DPF3: variants seen among roughly 807,000 people sequenced by gnomAD.
DPF3 encodes zinc finger protein DPF3.
DPF3 carries 18 observed loss-of-function variants against 56.8 expected under a neutral mutation model. The ratio of observed to expected loss-of-function variants is 0.32; its 90% CI spans 0.22 to 0.47. The LOEUF is 0.47. Among genes scored for constraint, DPF3 ranks in the 20% least tolerant of loss-of-function variants. The pLI, the probability that DPF3 is intolerant of heterozygous loss-of-function variation, is 1.00. For missense variants in DPF3, 403 were observed against 488.8 expected, an observed-to-expected ratio of 0.82 and a Z score of 1.65; for synonymous variants, 188 against 180.2, an observed-to-expected ratio of 1.04 and a Z score of -0.35.
intron 8 of DPF3, among the ~76,000 whole-genome samples, chr14:72,645,049 T>A (rs973569391): frequency 9.2e-5 from 14 of 152,218 alleles, no homozygotes; most frequent in African/African-American, 3.4e-4. Context: ...AGAAACCAAC[T>A]TGCCATCCCT....
intron 1 of DPF3, among the ~76,000 whole-genome samples, chr14:72,866,581 G>GA (rs1442481001): frequency 6.6e-6 from 1 of 150,730 alleles, no homozygotes; most frequent in African/African-American, 2.4e-5. Context: ...ATATGGCTGG[G>GA]TGTGGTGGCT....
intron 1 of DPF3, among the ~76,000 whole-genome samples, chr14:72,810,392 G>A (rs535743409): frequency 6.6e-6 from 1 of 152,192 alleles, no homozygotes; most frequent in African/African-American, 2.4e-5. Flanking sequence ...GGCGGAGAAT[G>A]TGAATCACAT....
At chr14:72,690,331 C>A (rs1887618989) in intron 7 of DPF3, among the ~76,000 whole-genome samples, 1 of 152,170 alleles carries the variant, frequency 6.6e-6, no homozygotes, top group South Asian at 2.1e-4. Flanking sequence ...AGTCAACCAA[C>A]CCTGAGGGGA....
intron 8 of DPF3, among the ~76,000 whole-genome samples, chr14:72,642,721 G>A (rs1450248853): frequency 6.6e-6 from 1 of 151,998 alleles, no homozygotes; most frequent in Non-Finnish European, 1.5e-5. Context: ...CTCTCACCCT[G>A]CTCTGCCTTC....
In DPF3 at chr14:72,612,488, C is replaced by T. The variant is rs761207319; in HGVS notation, c.*6809G>A. The T allele has an allele frequency of 1.7e-5, 9 of 518,210 alleles. No homozygotes were observed. The highest frequency in any genetic ancestry group is 3.9e-5 in the African/African-American group (2 of 51,672). 32.1% of individuals were successfully genotyped at this position (518,210 alleles called of 1,614,324 possible). ...TTCAACTACATGTTGAAAATGTGCACGGGGTATATTTTCTTTTTCCTATAC... is the reference window on the plus strand; with the variant it reads ...TTCAACTACATGTTGAAAATGTGCATGGGGTATATTTTCTTTTTCCTATAC... On this transcript the variant is annotated 3_prime_UTR_variant, in exon 11 of 11. Transcript: ENST00000556509.
chr14:72,830,873 A>G (rs574626535), intron 1 of DPF3, among the ~76,000 whole-genome samples: 1 of 152,066 alleles, frequency 6.6e-6, no homozygotes, highest in Non-Finnish European at 1.5e-5. Context: ...TTTCTCCTTT[A>G]CTAACCCTTT....
At chr14:72,873,724 C>G (rs1018154932) in intron 1 of DPF3, among the ~76,000 whole-genome samples, 29 of 152,074 alleles carry the variant, frequency 1.9e-4, no homozygotes, top group African/African-American at 6.5e-4. Context: ...ACATATACAC[C>G]ATGGAATACT....
chr14:72,820,768 G>C (rs1488128672), intron 1 of DPF3, among the ~76,000 whole-genome samples: 1 of 152,172 alleles, frequency 6.6e-6, no homozygotes, highest in African/African-American at 2.4e-5. Context: ...GTCAAGCTGG[G>C]AGGATCACTT....
At chr14:72,680,525 A>G (rs1331177404) in intron 7 of DPF3, among the ~76,000 whole-genome samples, 1 of 152,242 alleles carries the variant, frequency 6.6e-6, no homozygotes, top group East Asian at 1.9e-4. Context: ...CGCTCTCCCC[A>G]CAGGCCATCT....
At chr14:72,687,540 CT>C (rs1887465850) in intron 7 of DPF3, among the ~76,000 whole-genome samples, 1 of 152,182 alleles carries the variant, frequency 6.6e-6, no homozygotes, top group Admixed American at 6.5e-5. Context: ...ACTGTGGCCC[CT>C]GATTACATTT....
chr14:72,798,419 AACATACAT>A (rs930039503), intron 1 of DPF3, among the ~76,000 whole-genome samples: 2 of 152,020 alleles, frequency 1.3e-5, no homozygotes, highest in South Asian at 2.1e-4. Flanking sequence ...CCATATTTTC[AACATACAT>A]ACATACATAC....
At chr14:72,689,675 C>T (rs1200788794) in intron 7 of DPF3, among the ~76,000 whole-genome samples, 3 of 152,220 alleles carry the variant, frequency 2.0e-5, no homozygotes, top group East Asian at 3.9e-4. Context: ...AGAAAATAGT[C>T]GGGGGGCTGC....
intron 1 of DPF3, among the ~76,000 whole-genome samples, chr14:72,829,611 C>T (rs1487076759): frequency 1.3e-5 from 2 of 152,154 alleles, no homozygotes; most frequent in Non-Finnish European, 2.9e-5. Flanking sequence ...GTCTCAAACT[C>T]CTGACCTTGT....
intron 4 of DPF3, among the ~76,000 whole-genome samples, chr14:72,729,251 A>T (rs1443492162): frequency 1.3e-5 from 2 of 152,214 alleles, no homozygotes; most frequent in African/African-American, 4.8e-5. Flanking sequence ...CTGTCTCAAA[A>T]ATAAATAAAT....
rs138162317 is a variant in DPF3, at chr14:72,805,051, G to GACACACACACACACAC, written c.33-33174_33-33159dup. 5.2e-3 allele frequency among the ~76,000 whole-genome samples: 761 copies of GACACACACACACACAC among 146,462 alleles called. 8 individuals are homozygous for GACACACACACACACAC. Among genetic ancestry groups the GACACACACACACACAC allele is most frequent in the African/African-American group, 0.016 (647 of 39,384 alleles). ...AAAACGAGGGAGTCCCACAGCCCTG[G>GACACACACACACACAC]ACACACACACACACACAAACACACA... On this transcript the variant is annotated intron_variant, in intron 1 of 10. Transcript: ENST00000556509.
At position 72,664,761 on chromosome 14, in the gene DPF3, A is replaced by T. The variant is rs1886377425; in HGVS notation, c.871+9479T>A. Reference sequence around the variant, plus strand: ...GTAAGACTTCCACTAATTATCTCAGAAACTGCTCAGTTCTCAGTTTATTTC... The same window carrying T: ...GTAAGACTTCCACTAATTATCTCAGTAACTGCTCAGTTCTCAGTTTATTTC... On this transcript the variant is annotated intron_variant, in intron 8 of 10. Transcript: ENST00000556509. Among the ~76,000 whole-genome samples, 3 of 152,226 alleles carry T rather than the reference A, an allele frequency of 2.0e-5. No homozygotes were observed. In the South Asian group the frequency reaches 6.2e-4, roughly 32 times the overall value.
At chr14:72,723,001 ACTT>A (rs1405850895) in intron 5 of DPF3, among the ~76,000 whole-genome samples, 1 of 149,596 alleles carries the variant, frequency 6.7e-6, no homozygotes, top group Non-Finnish European at 1.5e-5. Context: ...ACCCCGGCAA[ACTT>A]CTTTTTTTTT....
intron 7 of DPF3, among the ~76,000 whole-genome samples, chr14:72,690,286 C>T (rs116236995): frequency 0.031 from 4,634 of 151,908 alleles, 226 homozygotes; most frequent in African/African-American, 0.11. Flanking sequence ...CACGAGGGCT[C>T]GTGAGAAGAT....
At chr14:72,663,060 G>C (rs1886287145) in intron 8 of DPF3, among the ~76,000 whole-genome samples, 1 of 150,332 alleles carries the variant, frequency 6.7e-6, no homozygotes, top group South Asian at 2.1e-4. Flanking sequence ...AGCAGCATGA[G>C]ATCAGCCAGG....
Sources: allele counts gnomAD v4.1 joint callset (sites outside exome capture counted in the v4.1 genomes callset), GRCh38; gene constraint gnomAD v4.1.1; transcripts MANE v1.5; gene names NCBI Gene and HGNC (gene_info 2026-07-23, HGNC 2026-07-21).